The following RELL1 variants were observed in gnomAD, a reference collection of about 807,000 sequenced individuals.
The protein encoded by RELL1 is RELT like 1.
A neutral mutation model predicts 23.0 loss-of-function variants in RELL1; 10 were observed. That is an observed-to-expected ratio of 0.43 (90% confidence interval 0.27 to 0.74). RELL1 has a LOEUF of 0.74. RELL1 is among the 30% of genes least tolerant of loss of function. The probability of loss-of-function intolerance (pLI) is 0.19; values close to 1 mark genes in which losing one functional copy is unlikely to be tolerated. For missense variants in RELL1, 315 were observed against 364.4 expected, an observed-to-expected ratio of 0.86 and a Z score of 1.10; for synonymous variants, 146 against 146.8, an observed-to-expected ratio of 0.99 and a Z score of 0.04.
chr4:37,649,230 A>T, intron 2 of RELL1, 46 bp downstream of exon 2: 1 of 1,465,048 alleles, frequency 6.8e-7, no homozygotes, highest in African/African-American at 1.4e-5. Flanking sequence ...TTTCATATTT[A>T]AAAACTGTCT....
chr4:37,658,118 G>T (rs1721192148), intron 1 of RELL1, among the ~76,000 whole-genome samples: 1 of 152,108 alleles, frequency 6.6e-6, no homozygotes, highest in African/African-American at 2.4e-5. Context: ...CAGAAGAGGG[G>T]ACTTCAGCAG....
At chr4:37,650,422 G>A (rs1400770082) in intron 1 of RELL1, among the ~76,000 whole-genome samples, 1 of 152,210 alleles carries the variant, frequency 6.6e-6, no homozygotes, top group Non-Finnish European at 1.5e-5. Flanking sequence ...TGGATAGAGT[G>A]ATGAACAACG....
At chr4:37,597,332 ATGAG>A (rs1482254443) in intron 6 of RELL1, among the ~76,000 whole-genome samples, 1 of 152,186 alleles carries the variant, frequency 6.6e-6, no homozygotes, top group Non-Finnish European at 1.5e-5. Context: ...CCAAACTAAA[ATGAG>A]TGAGGCCTTT....
At chr4:37,618,392 T>A (rs907881946) in intron 6 of RELL1, among the ~76,000 whole-genome samples, 4 of 151,578 alleles carry the variant, frequency 2.6e-5, no homozygotes, top group African/African-American at 7.3e-5. Flanking sequence ...GCTAATTTTT[T>A]ATTTTTTTTT....
chr4:37,669,828 G>A (rs1472416387), intron 1 of RELL1, among the ~76,000 whole-genome samples: 4 of 151,894 alleles, frequency 2.6e-5, no homozygotes, highest in East Asian at 3.9e-4. Flanking sequence ...TTAAACAGAC[G>A]CTTGAAGGCA....
intron 4 of RELL1, among the ~76,000 whole-genome samples, chr4:37,636,980 A>C (rs148110485): frequency 6.2e-4 from 94 of 152,332 alleles, no homozygotes; most frequent in African/African-American, 2.1e-3. Flanking sequence ...TAAAAACACA[A>C]AGCAGTACCT....
At chr4:37,630,758 C>T (rs188124699) in intron 6 of RELL1, among the ~76,000 whole-genome samples, 3 of 151,958 alleles carry the variant, frequency 2.0e-5, no homozygotes, top group Admixed American at 6.6e-5. Flanking sequence ...TTTCAATTGC[C>T]TCAAAATATT....
chr4:37,607,154 A>G (rs1719248880), downstream of RELL1, among the ~76,000 whole-genome samples: 1 of 152,224 alleles, frequency 6.6e-6, no homozygotes. Context: ...CTAAAGGGCA[A>G]CCACAGATCA....
At position 37,611,284 on chromosome 4, in the gene RELL1, T is replaced by G. The variant is rs1719367141; in HGVS notation, c.*2062A>C. ...TATTATTTACACTAATACATACCCC[T>G]AAAAGTCCTATATTGCTACTTTCTG... is the stretch of plus-strand genomic sequence containing the variant. On this transcript the variant is annotated 3_prime_UTR_variant, in exon 7 of 7. Transcript: ENST00000454158. Among the ~76,000 whole-genome samples, 1 of 152,188 alleles carries G rather than the reference T, an allele frequency of 6.6e-6. No individual in the cohort carries two copies. The highest frequency in any genetic ancestry group is 2.1e-4 in the South Asian group (1 of 4,830).
rs1281603483 is a variant in RELL1 at position 37,612,334 on chromosome 4, AAAAACAAAAAAAAAC to A, written c.*997_*1011del. ...CTCAGCTAAAGGTTAAAAAAAAAAAAAAAACAAAAAAAAACAAAAAACCGGGTGCAGTGGCCCACG... is the reference window on the plus strand; with the variant it reads ...CTCAGCTAAAGGTTAAAAAAAAAAAAAAAAAACCGGGTGCAGTGGCCCACG... On this transcript the variant is annotated 3_prime_UTR_variant, in exon 7 of 7. Transcript: ENST00000454158. Among the ~76,000 whole-genome samples the A allele has an allele frequency of 0.085, 2,559 of 30,152 alleles. 97 individuals are homozygous for A. The highest frequency in any genetic ancestry group is 0.14 in the African/African-American group (2,423 of 17,354). The allele number at this position is 30,152 out of a possible 152,430, so 19.8% of individuals were successfully genotyped here.
In RELL1 at chr4:37,686,334, T is replaced by C. The variant is rs1319779267; in HGVS notation, c.-47A>G. The stretch of plus-strand genomic sequence containing the variant: ...TCCCCCAGGGCGCCGCGTCCCGCGC[T>C]CGGGAAGGCAGAGCCGCTCCGGAGC... On this transcript the variant is annotated 5_prime_UTR_variant, in exon 1 of 7. Transcript: ENST00000454158. The C allele has an allele frequency of 1.4e-6, 2 of 1,421,868 alleles. No homozygotes were observed. The highest frequency in any genetic ancestry group is 1.4e-5 in the South Asian group (1 of 73,244). The allele number at this position is 1,421,868 out of a possible 1,614,324, so 88.1% of individuals were successfully genotyped here. A position where few individuals can be genotyped will look rare whatever the true frequency, so the allele number is the denominator to read the frequency against.
At chr4:37,650,808 G>A (rs1245166742) in intron 1 of RELL1, among the ~76,000 whole-genome samples, 1 of 131,162 alleles carries the variant, frequency 7.6e-6, no homozygotes, top group Non-Finnish European at 1.6e-5. Context: ...TACTTTGGGA[G>A]GCTGAAGGGG....
chr4:37,667,984 CACAT>C (rs1478323520), intron 1 of RELL1, among the ~76,000 whole-genome samples: 2 of 151,092 alleles, frequency 1.3e-5, no homozygotes, highest in Admixed American at 1.3e-4. Context: ...GAAAAAAAAA[CACAT>C]ACAAAGCAGT....
At chr4:37,674,583 G>T (rs1475794259) in intron 1 of RELL1, among the ~76,000 whole-genome samples, 3 of 152,210 alleles carry the variant, frequency 2.0e-5, no homozygotes, top group African/African-American at 7.2e-5. Context: ...ATGAAGAAAC[G>T]CCTGCTCATT....
chr4:37,678,360 AAT>A (rs1722089197), intron 1 of RELL1, among the ~76,000 whole-genome samples: 1 of 152,236 alleles, frequency 6.6e-6, no homozygotes, highest in South Asian at 2.1e-4. Context: ...GGCAGGGACA[AAT>A]ATACAGACTA....
At chr4:37,677,593 C>A (rs182716493) in intron 1 of RELL1, among the ~76,000 whole-genome samples, 1 of 152,316 alleles carries the variant, frequency 6.6e-6, no homozygotes, top group African/African-American at 2.4e-5. Context: ...TAAGAATAAA[C>A]CAATTGGTGA....
chr4:37,660,948 G>T (rs999919169), intron 1 of RELL1, among the ~76,000 whole-genome samples: 12 of 151,666 alleles, frequency 7.9e-5, no homozygotes, highest in African/African-American at 2.2e-4. Context: ...GGAGAACAGC[G>T]TGAACCCGGG....
chr4:37,603,420 C>G (rs191883904), intron 6 of RELL1, among the ~76,000 whole-genome samples: 1 of 152,172 alleles, frequency 6.6e-6, no homozygotes, highest in Non-Finnish European at 1.5e-5. Context: ...TGGGTAGAAC[C>G]AACATGCCCC....
At chr4:37,651,057 CAAAAAA>C (rs370325360) in intron 1 of RELL1, among the ~76,000 whole-genome samples, 1 of 120,832 alleles carries the variant, frequency 8.3e-6, no homozygotes, top group Non-Finnish European at 1.7e-5. Flanking sequence ...AAGACTGTCT[CAAAAAA>C]AAAAAAAAAA....
Sources: gnomAD v4.1 joint callset for allele counts (sites outside exome capture counted in the v4.1 genomes callset) on GRCh38, gnomAD v4.1.1 for gene constraint, MANE v1.5 for transcripts, NCBI Gene and HGNC (gene_info 2026-07-23, HGNC 2026-07-21) for gene names.